The following PARP2 variants were observed in gnomAD, a reference collection of about 807,000 sequenced individuals.
The protein encoded by PARP2 is poly(ADP-ribose) polymerase 2, also known as poly [ADP-ribose] polymerase 2.
PARP2 carries 57 observed loss-of-function variants against 77.8 expected under a neutral mutation model. The observed-to-expected ratio is 0.73, with a 90% CI of 0.59 to 0.91. PARP2 has a LOEUF of 0.91. PARP2 is among the 40% of genes least tolerant of loss of function. PARP2 has a pLI of 0.00. For missense variants in PARP2, 651 were observed against 689.0 expected (o/e 0.94, Z 0.62); for synonymous variants, 226 against 242.6 (o/e 0.93, Z 0.64).
rs1451200918 is a variant in PARP2, at chr14:20,354,823, G to C, written c.778G>C (p.Ala260Pro). 3.7e-6 allele frequency: 6 copies of C among 1,612,814 alleles called. No homozygotes were observed. Among genetic ancestry groups the C allele is most frequent in the Non-Finnish European group, 5.1e-6 (6 of 1,179,514 alleles). Reference sequence around the variant, plus strand: ...TGGGCCTGCAGGGAAGCTGACAGTGGCACAAATCAAGGCAGGTTACCAGTC... The same window carrying C: ...TGGGCCTGCAGGGAAGCTGACAGTGCCACAAATCAAGGCAGGTTACCAGTC... ...KKAPLGKLTV[A>P]QIKAGYQSLK... The change falls in exon 9 of 16, where the codon GCA becomes CCA. Residue 260 changes from alanine (A) to proline (P), a missense_variant. Physicochemically the swap from Ala to Pro is conservative, Grantham distance 27. Coordinates refer to ENST00000429687, the MANE Select transcript of PARP2 (RefSeq NM_001042618.2).
intron 6 of PARP2, among the ~76,000 whole-genome samples, chr14:20,351,763 C>A (rs551156437): frequency 2.8e-4 from 43 of 151,854 alleles, no homozygotes; most frequent in African/African-American, 9.2e-4. Context: ...CCTGTAATCC[C>A]AGCACTTTGG....
intron 1 of PARP2, 120 bp downstream of exon 1, chr14:20,343,807 C>A: frequency 1.9e-6 from 2 of 1,052,666 alleles, no homozygotes; most frequent in South Asian, 3.0e-5. Context: ...GGCTACCAAA[C>A]CAGTTGGGGT....
chr14:20,354,522 C>A (rs1884071659), intron 8 of PARP2: 1 of 528,770 alleles, frequency 1.9e-6, no homozygotes, highest in African/African-American at 1.9e-5. Context: ...CATGGTGAGA[C>A]CCCATCTCTA....
intron 4 of PARP2, 40 bp downstream of exon 4, chr14:20,346,953 AC>A: frequency 1.6e-6 from 2 of 1,260,294 alleles, no homozygotes; most frequent in Non-Finnish European, 2.3e-6. Flanking sequence ...TATTTATGAG[AC>A]CATCTTCTTG....
intron 7 of PARP2, among the ~76,000 whole-genome samples, chr14:20,353,869 A>G (rs945203913): frequency 1.3e-5 from 2 of 152,198 alleles, no homozygotes; most frequent in Non-Finnish European, 2.9e-5. Context: ...TCAACCCTCT[A>G]TATCCATGGA....
intron 4 of PARP2, among the ~76,000 whole-genome samples, chr14:20,349,874 A>G (rs1883895918): frequency 6.6e-6 from 1 of 152,204 alleles, no homozygotes; most frequent in Non-Finnish European, 1.5e-5. Flanking sequence ...ATGCCTTATC[A>G]TGGACTTCTC....
intron 8 of PARP2, 42 bp downstream of exon 8, chr14:20,354,289 C>T: frequency 6.8e-7 from 1 of 1,466,244 alleles, no homozygotes; most frequent in African/African-American, 1.4e-5. Context: ...CCTTATAATT[C>T]CTAGCTCCTT....
intron 11 of PARP2, 27 bp from the exon 12 acceptor site, chr14:20,356,280 T>C: frequency 6.2e-7 from 1 of 1,613,576 alleles, no homozygotes; most frequent in Non-Finnish European, 8.5e-7. Context: ...AGAGTCTACA[T>C]CAGCCTTTTT....
intron 1 of PARP2, among the ~76,000 whole-genome samples, chr14:20,344,556 C>G (rs1035011122): frequency 6.6e-6 from 1 of 152,224 alleles, no homozygotes; most frequent in Non-Finnish European, 1.5e-5. Context: ...AGGTGGCTCA[C>G]GCCTGTAATC....
chr14:20,355,747 C>T lies in PARP2; in HGVS notation c.903-5C>T. On this transcript the variant is annotated splice_region_variant and splice_polypyrimidine_tract_variant and intron_variant, in intron 9 of 15. Coordinates refer to ENST00000429687, the MANE Select transcript of PARP2 (RefSeq NM_001042618.2). Reference sequence around the variant, plus strand: ...GCTCATTATGGGTTATATCTCTGTTCTTAGACTCCGTACTCCTCCACTAAT... The same window carrying T: ...GCTCATTATGGGTTATATCTCTGTTTTTAGACTCCGTACTCCTCCACTAAT... The T allele has an allele frequency of 1.2e-6, 2 of 1,612,168 alleles. No homozygotes were observed. The highest frequency in any genetic ancestry group is 1.1e-5 in the South Asian group (1 of 91,028).
intron 4 of PARP2, among the ~76,000 whole-genome samples, chr14:20,347,350 GTGTGTGTATATATATATATATATATA>G (rs1317802058): frequency 2.0e-5 from 1 of 48,986 alleles, no homozygotes; most frequent in African/African-American, 1.4e-4. Context: ...CTTCATATGT[GTGTGTGTATATATATATATATATATA>G]TATATATATA....
chr14:20,352,366 T>G lies in PARP2; in HGVS notation c.600+19T>G. 7.0e-7 allele frequency: 1 copy of G among 1,430,308 alleles called. No homozygotes were observed. Among genetic ancestry groups the G allele is most frequent in the Non-Finnish European group, 9.8e-7 (1 of 1,018,646 alleles). 88.6% of individuals were successfully genotyped at this position (1,430,308 alleles called of 1,614,324 possible). Reference sequence around the variant, plus strand: ...TACTCAGGTAACTCTCACTATACTTTTCGAAAGAAACACATCTTCTTTTTT... The same window carrying G: ...TACTCAGGTAACTCTCACTATACTTGTCGAAAGAAACACATCTTCTTTTTT... On this transcript the variant is annotated intron_variant, in intron 7 of 15. Transcript: ENST00000429687.
chr14:20,347,539 C>A (rs1883812740), intron 4 of PARP2, among the ~76,000 whole-genome samples: 1 of 146,870 alleles, frequency 6.8e-6, no homozygotes. Context: ...CCTCAGCCTC[C>A]CAAGTAGCTG....
intron 6 of PARP2, 114 bp from the exon 7 acceptor site, chr14:20,352,131 G>A (rs1194512055): frequency 1.7e-6 from 1 of 575,366 alleles, no homozygotes; most frequent in Non-Finnish European, 3.1e-6. Context: ...GAAAGTTGAT[G>A]TGTAAAGGAG....
intron 6 of PARP2, among the ~76,000 whole-genome samples, chr14:20,351,792 T>C (rs3093909): frequency 0.25 from 37,206 of 151,836 alleles, 5,325 homozygotes; most frequent in South Asian, 0.38. Context: ...GGCAGGAGGA[T>C]TGCTTGAAGC....
rs73585125 is a variant in PARP2, at chr14:20,348,547, C to A, written c.324+1634C>A. Among the ~76,000 whole-genome samples, 597 of 151,950 alleles carry A rather than the reference C, an allele frequency of 3.9e-3. 5 individuals are homozygous for A. Among genetic ancestry groups the A allele is most frequent in the African/African-American group, 0.014 (576 of 41,484 alleles). On this transcript the variant is annotated intron_variant, in intron 4 of 15. Transcript: ENST00000429687. ...CAAGCTCAGCTTTCTTTTTAATCAA[C>A]CTTTTTCTCTTGTTTACCTTTGTGG...
chr14:20,352,356 C>T lies in PARP2; in HGVS notation c.600+9C>T. On this transcript the variant is annotated intron_variant, in intron 7 of 15. Coordinates refer to ENST00000429687, the MANE Select transcript of PARP2 (RefSeq NM_001042618.2). ...ATGCCACCAATACTCAGGTAACTCT[C>T]ACTATACTTTTCGAAAGAAACACAT... 1 of 1,482,346 alleles carries T rather than the reference C, an allele frequency of 6.7e-7. No homozygotes were observed. The highest frequency in any genetic ancestry group is 1.4e-5 in the African/African-American group (1 of 72,078). 91.8% of individuals were successfully genotyped at this position (1,482,346 alleles called of 1,614,324 possible). A position where few individuals can be genotyped will look rare whatever the true frequency, so the allele number is the denominator to read the frequency against.
chr14:20,356,341 C>G lies in PARP2; in HGVS notation c.1136C>G (p.Pro379Arg). The G allele has an allele frequency of 6.2e-7, 1 of 1,614,040 alleles. No individual in the cohort carries two copies. Reference sequence around the variant, plus strand: ...CAGTACCTACAATCTACCCATGCTCCCACACACAGCGACTATACCATGACC... The same window carrying G: ...CAGTACCTACAATCTACCCATGCTCGCACACACAGCGACTATACCATGACC... Reference protein sequence around the residue: ...ISQYLQSTHAPTHSDYTMTLL... With the variant: ...ISQYLQSTHARTHSDYTMTLL... The change falls in exon 12 of 16, where the codon CCC (proline) becomes CGC (arginine). Residue 379 changes from proline (P) to arginine (R), a missense_variant. By Grantham distance (103) the Pro-to-Arg change is moderately radical. Coordinates refer to ENST00000429687, the MANE Select transcript of PARP2 (RefSeq NM_001042618.2).
chr14:20,352,568 T>TTTTTTTTTTTTTTTG lies in PARP2; in HGVS notation c.600+221_600+222insTTTTTTTTTTTTTTG, dbSNP rs10695113. On this transcript the variant is annotated intron_variant, in intron 7 of 15. Transcript: ENST00000429687. ...CAGCTGATTTTTTTTCTTTTTTTTT[T>TTTTTTTTTTTTTTTG]GTAAAGATGAGGTTTCACTATGTTG... is the stretch of plus-strand genomic sequence containing the variant. 1.3e-4 allele frequency: 39 copies of TTTTTTTTTTTTTTTG among 297,092 alleles called. 2 individuals carry two copies. Among genetic ancestry groups the TTTTTTTTTTTTTTTG allele is most frequent in the South Asian group, 3.2e-4 (4 of 12,514 alleles). The allele number at this position is 297,092 out of a possible 1,614,324, so 18.4% of individuals were successfully genotyped here.
Sources: allele counts gnomAD v4.1 joint callset (sites outside exome capture counted in the v4.1 genomes callset), GRCh38; gene constraint gnomAD v4.1.1; transcripts MANE v1.5; gene names NCBI Gene and HGNC (gene_info 2026-07-23, HGNC 2026-07-21).